The following USH2A variants were observed in gnomAD, a reference collection of about 807,000 sequenced individuals.
The protein encoded by USH2A is Usher syndrome 2A (autosomal recessive, mild).
A neutral mutation model predicts 538.9 loss-of-function variants in USH2A; 443 were observed. The observed-to-expected ratio is 0.82, with a 90% confidence interval of 0.76 to 0.89. The LOEUF (loss-of-function observed/expected upper bound fraction) is 0.89. USH2A is among the 40% of genes least tolerant of loss of function. USH2A has a pLI of 0.00. For missense variants in USH2A, 6,633 were observed against 6,324.8 expected, an observed-to-expected ratio of 1.05 and a Z score of -1.65; for synonymous variants, 2,413 against 2,273.5, an observed-to-expected ratio of 1.06 and a Z score of -1.75.
At chr1:215,678,549 T>C (rs1274487027) in intron 62 of USH2A, among the ~76,000 whole-genome samples, 4 of 152,248 alleles carry the variant, frequency 2.6e-5, no homozygotes, top group African/African-American at 9.6e-5. Flanking sequence ...TCAAATGATA[T>C]TCCATTCTAA....
chr1:215,693,116 G>GTGTATATATATATATA (rs112153911), intron 61 of USH2A, among the ~76,000 whole-genome samples: 3 of 133,548 alleles, frequency 2.2e-5, no homozygotes. Context: ...GTGTGTATGT[G>GTGTATATATATATATA]TATATATATA....
chr1:216,031,699 C>T (rs970450124), intron 32 of USH2A, among the ~76,000 whole-genome samples: 1 of 152,172 alleles, frequency 6.6e-6, no homozygotes, highest in African/African-American at 2.4e-5. Context: ...ATGGTTCTCT[C>T]TTGCTTCAGA....
chr1:215,879,003 G>T lies in USH2A; in HGVS notation c.8319C>A (p.Ser2773=). 1 of 1,613,946 alleles carries T rather than the reference G, an allele frequency of 6.2e-7. No individual in the cohort carries two copies. Among genetic ancestry groups the T allele is most frequent in the Non-Finnish European group, 8.5e-7 (1 of 1,179,888 alleles). Residue 2773 remains serine, a synonymous_variant, in exon 42 of 72, where the codon TCC becomes TCA. Transcript: ENST00000307340. ...DPHITLTNVT[S]AVLSQKVTHL... ...GAGTAACTTTTTGACTTAACACTGC[G>T]GAAGTCACATTGGTTAAAGTGATGT...
At chr1:216,005,225 T>C (rs1391766790) in intron 32 of USH2A, among the ~76,000 whole-genome samples, 1 of 152,168 alleles carries the variant, frequency 6.6e-6, no homozygotes, top group Non-Finnish European at 1.5e-5. Flanking sequence ...TCTCTCTTTG[T>C]ACTTGGATTG....
chr1:215,685,506 C>T (rs577314962), intron 61 of USH2A, among the ~76,000 whole-genome samples: 3 of 151,878 alleles, frequency 2.0e-5, no homozygotes, highest in East Asian at 3.9e-4. Flanking sequence ...TACAGGCACC[C>T]GCCACCACGC....
chr1:216,044,135 G>T (rs954410590), intron 32 of USH2A, among the ~76,000 whole-genome samples: 17 of 152,108 alleles, frequency 1.1e-4, no homozygotes, highest in African/African-American at 4.1e-4. Context: ...AGGGCAAACC[G>T]ATGAACAAAC....
chr1:215,871,361 T>G (rs1351380036), intron 43 of USH2A, among the ~76,000 whole-genome samples: 1 of 152,232 alleles, frequency 6.6e-6, no homozygotes, highest in African/African-American at 2.4e-5. Context: ...AATTTGTTTA[T>G]TTACTGAATA....
At chr1:216,031,842 G>A (rs546867942) in intron 32 of USH2A, among the ~76,000 whole-genome samples, 10 of 152,208 alleles carry the variant, frequency 6.6e-5, no homozygotes, top group South Asian at 2.1e-4. Context: ...TGTGAAATGC[G>A]CATTAATAGT....
At chr1:215,664,391 T>G (rs1657540338) in intron 64 of USH2A, among the ~76,000 whole-genome samples, 1 of 152,238 alleles carries the variant, frequency 6.6e-6, no homozygotes, top group Admixed American at 6.5e-5. Flanking sequence ...ATATATCCAT[T>G]TATTATCTGA....
intron 69 of USH2A, among the ~76,000 whole-genome samples, chr1:215,638,683 T>C (rs1656578049): frequency 6.6e-6 from 1 of 151,068 alleles, no homozygotes; most frequent in South Asian, 2.1e-4. Flanking sequence ...ATGAGGACTT[T>C]TTAAAAAATT....
intron 61 of USH2A, among the ~76,000 whole-genome samples, chr1:215,683,610 C>A (rs1179567584): frequency 6.6e-6 from 1 of 152,122 alleles, no homozygotes; most frequent in East Asian, 1.9e-4. Flanking sequence ...CAGTTCCTTC[C>A]TTTGGAGATG....
chr1:215,719,854 G>T (rs1440022336), intron 61 of USH2A, among the ~76,000 whole-genome samples: 1 of 152,122 alleles, frequency 6.6e-6, no homozygotes, highest in Non-Finnish European at 1.5e-5. Flanking sequence ...TTGTCTTCAA[G>T]TGGAAGGATT....
Position 216,150,323 on chromosome 1 carries a change from T to A in USH2A, c.4627+24929A>T, listed in dbSNP as rs924912130. 8.5e-5 allele frequency among the ~76,000 whole-genome samples: 13 copies of A among 152,176 alleles called. 1 individual carries two copies. The highest frequency in any genetic ancestry group is 3.3e-4 in the Admixed American group (5 of 15,290). ...TCTTTGCTGGCAAGGCACCCTCCAA[T>A]ACTTCCACCCTGATGAAGTTCTATT... On this transcript the variant is annotated intron_variant, in intron 21 of 71. Transcript: ENST00000307340.
intron 15 of USH2A, among the ~76,000 whole-genome samples, chr1:216,210,447 C>T (rs982289679): frequency 6.6e-6 from 1 of 152,064 alleles, no homozygotes; most frequent in African/African-American, 2.4e-5. Flanking sequence ...CAATCATGCC[C>T]TCCTCCTCCC....
intron 4 of USH2A, among the ~76,000 whole-genome samples, chr1:216,329,554 T>G (rs2037812676): frequency 6.6e-6 from 1 of 152,146 alleles, no homozygotes; most frequent in Non-Finnish European, 1.5e-5. Context: ...GTTTTTTCTT[T>G]ACCTTCAACT....
At chr1:216,221,394 T>C (rs373845522) in intron 14 of USH2A, among the ~76,000 whole-genome samples, 2 of 152,212 alleles carry the variant, frequency 1.3e-5, no homozygotes, top group Non-Finnish European at 2.9e-5. Flanking sequence ...TGTGGTTTCA[T>C]TGAGCTTCTT....
chr1:216,206,676 A>G (rs1345269338), intron 16 of USH2A, among the ~76,000 whole-genome samples: 1 of 152,074 alleles, frequency 6.6e-6, no homozygotes, highest in African/African-American at 2.4e-5. Flanking sequence ...TGATATGTGA[A>G]CTAAGGTATC....
intron 44 of USH2A, among the ~76,000 whole-genome samples, chr1:215,860,586 T>C (rs114592668): frequency 0.01 from 1,526 of 152,264 alleles, 18 homozygotes; most frequent in Non-Finnish European, 0.017. Flanking sequence ...TATTGGAACA[T>C]GGCCATGCTT....
At position 215,993,246 on chromosome 1, in the gene USH2A, A is replaced by G. The variant is rs867278151; in HGVS notation, c.6658-79T>C. 3.4e-5 allele frequency: 54 copies of G among 1,608,238 alleles called. 1 individual carries two copies. In the Middle Eastern group the frequency reaches 8.3e-4, roughly 25 times the overall value. On this transcript the variant is annotated intron_variant, in intron 34 of 71. Coordinates refer to ENST00000307340, the MANE Select transcript of USH2A (RefSeq NM_206933.4). ...GAACATTGAGGAAAGAGAATTCATA[A>G]TAAGAGTTTCAGATTTTGTTATATA...
Sources: allele counts gnomAD v4.1 joint callset (sites outside exome capture counted in the v4.1 genomes callset), GRCh38; gene constraint gnomAD v4.1.1; transcripts MANE v1.5; gene names NCBI Gene and HGNC (gene_info 2026-07-23, HGNC 2026-07-21).